PCDHGB5: variants seen among roughly 807,000 people sequenced by gnomAD.
PCDHGB5 encodes protocadherin gamma-B5.
PCDHGB5 carries 48 observed loss-of-function variants against 62.9 expected under a neutral mutation model. The observed-to-expected ratio is 0.76, with a 90% CI of 0.61 to 0.97. The LOEUF is 0.97. Among genes scored for constraint, PCDHGB5 ranks in the 50% least tolerant of loss-of-function variants. The pLI, the probability that PCDHGB5 is intolerant of heterozygous loss-of-function variation, is 0.00. For missense variants in PCDHGB5, 1,118 were observed against 1,198.6 expected (o/e 0.93, Z 0.99); for synonymous variants, 474 against 511.2 (o/e 0.93, Z 0.98).
intron 1 of PCDHGB5, among the ~76,000 whole-genome samples, chr5:141,438,587 CATACATATATATATATATATATATATAT>C (rs1267620600): frequency 1.4e-5 from 1 of 73,428 alleles, no homozygotes; most frequent in Non-Finnish European, 2.6e-5. Context: ...TACATACATA[CATACATATATATATATATATATATATAT>C]ATATATATAT....
intron 1 of PCDHGB5, among the ~76,000 whole-genome samples, chr5:141,488,348 C>G (rs1231687770): frequency 3.2e-4 from 49 of 152,106 alleles, no homozygotes; most frequent in Admixed American, 3.2e-3. Context: ...TAGAAACAGC[C>G]ACCCTGTGCA....
intron 1 of PCDHGB5, among the ~76,000 whole-genome samples, chr5:141,438,948 G>A (rs2154558298): frequency 6.6e-6 from 1 of 152,142 alleles, no homozygotes; most frequent in Middle Eastern, 3.4e-3. Context: ...TTATAGGCAT[G>A]AGCCACCGCA....
At position 141,462,908 on chromosome 5, in the gene PCDHGB5, T is replaced by G. The variant is rs186061013; in HGVS notation, c.2398-31899T>G. ...AGTTTGTTTTGGAAGGCTATTATGT[T>G]TTTTGCAGATCAGGTTGATCTTTTC... On this transcript the variant is annotated intron_variant, in intron 1 of 3. Coordinates refer to ENST00000617380, the MANE Select transcript of PCDHGB5 (RefSeq NM_018925.3). Among the ~76,000 whole-genome samples the G allele has an allele frequency of 1.4e-4, 21 of 152,362 alleles. No individual in the cohort carries two copies. The East Asian group carries it at 3.5e-3, about 25-fold the overall frequency.
chr5:141,427,546 C>T (rs779995777), intron 1 of PCDHGB5: 1 of 639,564 alleles, frequency 1.6e-6, no homozygotes, highest in South Asian at 1.5e-5. Context: ...GTCACCATCA[C>T]TGCCACTGAC....
intron 1 of PCDHGB5, chr5:141,479,494 G>C (rs747201739): frequency 2.6e-5 from 4 of 152,256 alleles, no homozygotes; most frequent in Non-Finnish European, 5.9e-5. Flanking sequence ...CCATCAGGTT[G>C]CCTAAAGAGG....
Position 141,476,782 on chromosome 5 carries a change from A to T in PCDHGB5, c.2398-18025A>T. On this transcript the variant is annotated intron_variant, in intron 1 of 3. Coordinates refer to ENST00000617380, the MANE Select transcript of PCDHGB5 (RefSeq NM_018925.3). The surrounding 1 kb of genome is among the most constrained non-coding windows in gnomAD (Gnocchi z 7.6). ...TGACGGCGTTGGACGGAGGGACCCCAGCTCTCTCCGCCAGCCTGCCTATTC... is the reference window on the plus strand; with the variant it reads ...TGACGGCGTTGGACGGAGGGACCCCTGCTCTCTCCGCCAGCCTGCCTATTC... 6.2e-7 allele frequency: 1 copy of T among 1,613,568 alleles called. No individual in the cohort carries two copies. The highest frequency in any genetic ancestry group is 8.5e-7 in the Non-Finnish European group (1 of 1,179,996).
chr5:141,491,199 C>T lies in PCDHGB5; in HGVS notation c.2398-3608C>T. ...TGGTCCTGGTGAGGGACAATGGTGA[C>T]CCTTCACTCTCCTCCACAGCCACAG... On this transcript the variant is annotated intron_variant, in intron 1 of 3. Coordinates refer to ENST00000617380, the MANE Select transcript of PCDHGB5 (RefSeq NM_018925.3). The surrounding 1 kb of genome is among the most constrained non-coding windows in gnomAD (Gnocchi z 6.9). 1 of 1,614,190 alleles carries T rather than the reference C, an allele frequency of 6.2e-7. No homozygotes were observed. Among genetic ancestry groups the T allele is most frequent in the South Asian group, 1.1e-5 (1 of 91,086 alleles).
chr5:141,443,417 T>C (rs1429905201), intron 1 of PCDHGB5, among the ~76,000 whole-genome samples: 3 of 152,132 alleles, frequency 2.0e-5, no homozygotes, highest in East Asian at 1.9e-4. Context: ...TCTGGGGAGA[T>C]TGAAGCTGCA....
chr5:141,451,676 G>A (rs1363843426), intron 1 of PCDHGB5, among the ~76,000 whole-genome samples: 1 of 152,142 alleles, frequency 6.6e-6, no homozygotes, highest in African/African-American at 2.4e-5. Flanking sequence ...GAGCCCAGGA[G>A]TTCAAGACCA....
intron 1 of PCDHGB5, chr5:141,423,728 T>C (rs1312071121): frequency 9.4e-6 from 10 of 1,067,510 alleles, no homozygotes; most frequent in Non-Finnish European, 1.1e-5. Context: ...AGATGTTTTT[T>C]GAGCCTGTTA....
intron 1 of PCDHGB5, among the ~76,000 whole-genome samples, chr5:141,483,272 A>T (rs545719861): frequency 4.4e-4 from 67 of 152,196 alleles, no homozygotes; most frequent in African/African-American, 1.4e-3. Flanking sequence ...TGTTTTAGAA[A>T]TATTATTCTG....
rs1426305491 is a variant in PCDHGB5 at position 141,489,758 on chromosome 5, G to A, written c.2398-5049G>A. 1 of 1,614,084 alleles carries A rather than the reference G, an allele frequency of 6.2e-7. No homozygotes were observed. The highest frequency in any genetic ancestry group is 1.7e-5 in the Admixed American group (1 of 60,020). On this transcript the variant is annotated intron_variant, in intron 1 of 3. Coordinates refer to ENST00000617380, the MANE Select transcript of PCDHGB5 (RefSeq NM_018925.3). The surrounding 1 kb of genome is among the most constrained non-coding windows in gnomAD (Gnocchi z 4.5). ...AATACTGTGAGCTTTTACACTCTAAGCCCCAACAGCCACTTCTCTCTGAAT... is the reference window on the plus strand; with the variant it reads ...AATACTGTGAGCTTTTACACTCTAAACCCCAACAGCCACTTCTCTCTGAAT...
At chr5:141,474,156 A>C (rs1387216017) in intron 1 of PCDHGB5, among the ~76,000 whole-genome samples, 1 of 152,244 alleles carries the variant, frequency 6.6e-6, no homozygotes, top group East Asian at 1.9e-4. Flanking sequence ...CAAGAAAATG[A>C]CAGGCCTTAT....
intron 1 of PCDHGB5, chr5:141,428,221 G>A (rs1314522513): frequency 5.9e-6 from 7 of 1,177,278 alleles, no homozygotes; most frequent in Non-Finnish European, 8.6e-6. Context: ...CCTAGTCTTC[G>A]CAGACAGCCT....
At chr5:141,505,127 A>C (rs926566427) in intron 2 of PCDHGB5, among the ~76,000 whole-genome samples, 1 of 152,158 alleles carries the variant, frequency 6.6e-6, no homozygotes, top group Non-Finnish European at 1.5e-5. Context: ...GCGCCACTGC[A>C]CTCCAGCCTG....
Position 141,432,530 on chromosome 5 carries a change from G to C in PCDHGB5, c.2397+32006G>C. On this transcript the variant is annotated intron_variant, in intron 1 of 3. Transcript: ENST00000617380. This position sits in a 1 kb window ranked among gnomAD's most constrained non-coding sequence, Gnocchi z 6.0. ...AGAGCCCGGCTACCTGGTGACCAAG[G>C]TGGTGGCGGTGGACAGAGACTCCGG... 6.2e-7 allele frequency: 1 copy of C among 1,614,076 alleles called. No homozygotes were observed. Among genetic ancestry groups the C allele is most frequent in the South Asian group, 1.1e-5 (1 of 91,082 alleles).
intron 2 of PCDHGB5, among the ~76,000 whole-genome samples, chr5:141,495,725 C>G (rs1339925752): frequency 1.3e-5 from 2 of 151,986 alleles, no homozygotes; most frequent in African/African-American, 4.8e-5. Flanking sequence ...TACACGGGAC[C>G]CTTAGTCTCT....
Position 141,432,046 on chromosome 5 carries a change from C to G in PCDHGB5, c.2397+31522C>G, listed in dbSNP as rs1389286417. The G allele has an allele frequency of 6.2e-7, 1 of 1,614,224 alleles. No individual in the cohort carries two copies. The highest frequency in any genetic ancestry group is 2.2e-5 in the East Asian group (1 of 44,886). The stretch of plus-strand genomic sequence containing the variant: ...CAGTGACCGCCACTGACCGGGGAAC[C>G]CCGCCCCTATCCACGGAAACTCATA... On this transcript the variant is annotated intron_variant, in intron 1 of 3. Coordinates refer to ENST00000617380, the MANE Select transcript of PCDHGB5 (RefSeq NM_018925.3). This position sits in a 1 kb window ranked among gnomAD's most constrained non-coding sequence, Gnocchi z 6.0.
intron 3 of PCDHGB5, 93 bp downstream of exon 3, chr5:141,505,574 C>G: frequency 6.3e-7 from 1 of 1,593,636 alleles, no homozygotes; most frequent in South Asian, 1.1e-5. Flanking sequence ...GGATGTCAAA[C>G]CTGTGTAGTT....
Sources: gnomAD v4.1 joint callset for allele counts (sites outside exome capture counted in the v4.1 genomes callset) on GRCh38, gnomAD v4.1.1 for gene constraint, Gnocchi (gnomAD v3.1) non-coding constraint, MANE v1.5 for transcripts, NCBI Gene and HGNC (gene_info 2026-07-23, HGNC 2026-07-21) for gene names.